PCDHGB4: variants seen among roughly 807,000 people sequenced by gnomAD.
PCDHGB4 encodes the protein protocadherin gamma subfamily B, 4.
A neutral mutation model predicts 60.5 loss-of-function variants in PCDHGB4; 38 were observed. That is an observed-to-expected ratio of 0.63 (90% CI 0.48 to 0.82). The LOEUF (loss-of-function observed/expected upper bound fraction) is 0.82, where lower values mean the gene tolerates loss of function less well. Among genes scored for constraint, PCDHGB4 ranks in the 40% least tolerant of loss-of-function variants. The pLI, the probability that PCDHGB4 is intolerant of heterozygous loss-of-function variation, is 0.00. For synonymous variants in PCDHGB4, 456 were observed against 509.7 expected, an observed-to-expected ratio of 0.89 and a Z score of 1.42; for missense variants, 1,109 against 1,209.6, an observed-to-expected ratio of 0.92 and a Z score of 1.23.
At chr5:141,395,525 G>T in intron 1 of PCDHGB4, 1 of 384,022 alleles carries the variant, frequency 2.6e-6, no homozygotes, top group Non-Finnish European at 4.6e-6. Context: ...CGTCCATACT[G>T]GTAATTTTGC....
In PCDHGB4 at chr5:141,489,116, C is replaced by A; in HGVS notation, c.2398-5691C>A. Reference sequence around the variant, plus strand: ...TAAGAACTGCTGCAAGCAGGCAAACCTCCGAGCAGTTTTTAAGAGGCTGGA... The same window carrying A: ...TAAGAACTGCTGCAAGCAGGCAAACATCCGAGCAGTTTTTAAGAGGCTGGA... On this transcript the variant is annotated intron_variant, in intron 1 of 3. Transcript: ENST00000519479. The surrounding 1 kb of genome is among the most constrained non-coding windows in gnomAD (Gnocchi z 4.5). 3.7e-6 allele frequency: 2 copies of A among 536,398 alleles called. No homozygotes were observed. The highest frequency in any genetic ancestry group is 6.2e-6 in the Non-Finnish European group (2 of 322,530). 33.2% of individuals were successfully genotyped at this position (536,398 alleles called of 1,614,324 possible).
intron 1 of PCDHGB4, among the ~76,000 whole-genome samples, chr5:141,402,701 G>T (rs1561683907): frequency 1.3e-5 from 2 of 152,178 alleles, no homozygotes; most frequent in African/African-American, 2.4e-5. Context: ...ACATCAGTGG[G>T]TGTAGTAACG....
Position 141,389,655 on chromosome 5 carries a change from G to A in PCDHGB4, c.1771G>A (p.Ala591Thr). Reference sequence around the variant, plus strand: ...TGGCTACTTGGTGACCAAGGTAGTGGCGGTGGACGCAGACTCAGGACACAA... The same window carrying A: ...TGGCTACTTGGTGACCAAGGTAGTGACGGTGGACGCAGACTCAGGACACAA... ...EPGYLVTKVV[A>T]VDADSGHNAW... Residue 591 changes from alanine to threonine, a missense_variant, in exon 1 of 4, where the codon GCG becomes ACG. Ala to Thr is a moderately conservative substitution (Grantham distance 58). Coordinates refer to ENST00000519479, the MANE Select transcript of PCDHGB4 (RefSeq NM_003736.4). 1 of 1,612,562 alleles carries A rather than the reference G, an allele frequency of 6.2e-7. No individual in the cohort carries two copies. The highest frequency in any genetic ancestry group is 1.1e-5 in the South Asian group (1 of 91,052).
At chr5:141,451,526 G>T (rs896029145) in intron 1 of PCDHGB4, among the ~76,000 whole-genome samples, 1 of 152,168 alleles carries the variant, frequency 6.6e-6, no homozygotes, top group African/African-American at 2.4e-5. Flanking sequence ...GCAAGTAAAG[G>T]AGAGTGCCAG....
Position 141,490,799 on chromosome 5 carries a change from G to A in PCDHGB4, c.2398-4008G>A, listed in dbSNP as rs757092044. On this transcript the variant is annotated intron_variant, in intron 1 of 3. Coordinates refer to ENST00000519479, the MANE Select transcript of PCDHGB4 (RefSeq NM_003736.4). The surrounding 1 kb of genome is among the most constrained non-coding windows in gnomAD (Gnocchi z 5.4). ...GAGGATGGACGGATCTTTGCCCAGC[G>A]TACCTTTGACTATGAATTGCTGCAG... is the stretch of plus-strand genomic sequence containing the variant. 2.7e-5 allele frequency: 43 copies of A among 1,613,888 alleles called. No individual in the cohort carries two copies. Among genetic ancestry groups the A allele is most frequent in the Middle Eastern group, 3.3e-4 (2 of 6,062 alleles).
chr5:141,394,532 T>G (rs1259695027), intron 1 of PCDHGB4: 7 of 1,614,188 alleles, frequency 4.3e-6, no homozygotes, highest in East Asian at 4.5e-5. Flanking sequence ...ACGGTTCCAC[T>G]GGCGTGGAGC....
chr5:141,455,254 G>T (rs936599726), intron 1 of PCDHGB4, among the ~76,000 whole-genome samples: 3 of 151,732 alleles, frequency 2.0e-5, no homozygotes, highest in African/African-American at 7.3e-5. Context: ...TAGTACAATC[G>T]CATTTCTTCC....
chr5:141,424,232 C>A (rs182055138), intron 1 of PCDHGB4: 1 of 158,642 alleles, frequency 6.3e-6, no homozygotes, highest in East Asian at 1.9e-4. Context: ...TATTTTGATT[C>A]TTGGTGGCTG....
At chr5:141,422,781 A>C (rs746943605) in intron 1 of PCDHGB4, 13 of 1,613,964 alleles carry the variant, frequency 8.1e-6, no homozygotes, top group African/African-American at 1.3e-5. Flanking sequence ...TCTATGCCCT[A>C]CAATCCTTCG....
chr5:141,390,398 A>G, intron 1 of PCDHGB4, 117 bp downstream of exon 1: 1 of 1,365,554 alleles, frequency 7.3e-7, no homozygotes, highest in Non-Finnish European at 1.0e-6. Flanking sequence ...GGATCATTTT[A>G]GGAAAGTTGT....
At position 141,476,128 on chromosome 5, in the gene PCDHGB4, G is replaced by A. The variant is rs1450094771; in HGVS notation, c.2398-18679G>A. 1 of 1,606,456 alleles carries A rather than the reference G, an allele frequency of 6.2e-7. No homozygotes were observed. Among genetic ancestry groups the A allele is most frequent in the African/African-American group, 1.3e-5 (1 of 74,874 alleles). On this transcript the variant is annotated intron_variant, in intron 1 of 3. Transcript: ENST00000519479. The surrounding 1 kb of genome is among the most constrained non-coding windows in gnomAD (Gnocchi z 7.6). ...TGCTTTTGAGTGAGATGGTCCCAGA[G>A]GCCTGGAGGAGCGGACTGGTAAGCA...
At position 141,407,135 on chromosome 5, in the gene PCDHGB4, G is replaced by GA. The variant is rs796659459; in HGVS notation, c.2397+16862dup. The stretch of plus-strand genomic sequence containing the variant: ...TGGGTTTCAGTTGCTTTATTTTTAA[G>GA]AAAAAAAAGCTGAAGTGTCTGGGAA... On this transcript the variant is annotated intron_variant, in intron 1 of 3. Coordinates refer to ENST00000519479, the MANE Select transcript of PCDHGB4 (RefSeq NM_003736.4). 3.3e-5 allele frequency among the ~76,000 whole-genome samples: 5 copies of GA among 151,810 alleles called. No homozygotes were observed. In the South Asian group the frequency reaches 6.2e-4, roughly 19 times the overall value.
chr5:141,464,138 G>A (rs62379197), intron 1 of PCDHGB4, among the ~76,000 whole-genome samples: 42,814 of 151,688 alleles, frequency 0.28, 6,814 homozygotes, highest in African/African-American at 0.44. Context: ...GGTGGTGGGC[G>A]CCTGTAGTCC....
intron 1 of PCDHGB4, among the ~76,000 whole-genome samples, chr5:141,467,361 G>A (rs555435172): frequency 1.3e-5 from 2 of 151,860 alleles, no homozygotes; most frequent in South Asian, 4.2e-4. Context: ...CCAAATCAAC[G>A]TTTTCTTATA....
intron 1 of PCDHGB4, among the ~76,000 whole-genome samples, chr5:141,461,165 TG>T (rs2099010296): frequency 6.6e-6 from 1 of 152,146 alleles, no homozygotes; most frequent in South Asian, 2.1e-4. Flanking sequence ...ATAGTGGGAT[TG>T]CTGGATTGAA....
intron 1 of PCDHGB4, chr5:141,398,967 C>T: frequency 6.2e-7 from 1 of 1,613,942 alleles, no homozygotes; most frequent in Non-Finnish European, 8.5e-7. Flanking sequence ...TTACTTATTC[C>T]TTCTACAGAA....
Position 141,476,008 on chromosome 5 carries a change from G to T in PCDHGB4, c.2398-18799G>T. 1 of 1,282,144 alleles carries T rather than the reference G, an allele frequency of 7.8e-7. No homozygotes were observed. Among genetic ancestry groups the T allele is most frequent in the Non-Finnish European group, 1.1e-6 (1 of 935,996 alleles). 79.4% of individuals were successfully genotyped at this position (1,282,144 alleles called of 1,614,324 possible). On this transcript the variant is annotated intron_variant, in intron 1 of 3. Coordinates refer to ENST00000519479, the MANE Select transcript of PCDHGB4 (RefSeq NM_003736.4). This position sits in a 1 kb window ranked among gnomAD's most constrained non-coding sequence, Gnocchi z 7.6. ...CGAGCAAATCAACGGCATCCAGAAA[G>T]CCATGTCGGACTCGGCGCCCAGCGC... is the stretch of plus-strand genomic sequence containing the variant.
chr5:141,473,079 A>G (rs1389177835), intron 1 of PCDHGB4, among the ~76,000 whole-genome samples: 2 of 152,086 alleles, frequency 1.3e-5, no homozygotes, highest in African/African-American at 4.8e-5. Flanking sequence ...ATCTTTGTTT[A>G]TTATCCACTG....
rs1412247634 is a variant in PCDHGB4, at chr5:141,391,586, A to AAT, written c.2397+1309_2397+1310dup. 2.0e-5 allele frequency: 3 copies of AAT among 152,352 alleles called. No homozygotes were observed. In the South Asian group the frequency reaches 6.2e-4, roughly 32 times the overall value. The allele number at this position is 152,352 out of a possible 1,614,324, so 9.4% of individuals were successfully genotyped here. ...GCATAAGAAAATATATTCACAGGAA[A>AAT]ATATAAAGTTTTCAGATTTCATGAG... On this transcript the variant is annotated intron_variant, in intron 1 of 3. Coordinates refer to ENST00000519479, the MANE Select transcript of PCDHGB4 (RefSeq NM_003736.4).
Sources: gnomAD v4.1 joint callset for allele counts (sites outside exome capture counted in the v4.1 genomes callset) on GRCh38, gnomAD v4.1.1 for gene constraint, Gnocchi (gnomAD v3.1) non-coding constraint, MANE v1.5 for transcripts, NCBI Gene and HGNC (gene_info 2026-07-23, HGNC 2026-07-21) for gene names.